Variants in SASH1 observed in about 807,000 individuals in gnomAD.
The protein encoded by SASH1 is SAM and SH3 domain containing 1.
A neutral mutation model predicts 125.2 loss-of-function variants in SASH1; 44 were observed. The observed-to-expected ratio is 0.35, with a 90% CI of 0.28 to 0.45. SASH1 has a LOEUF of 0.45. SASH1 is among the 20% of genes least tolerant of loss of function. The pLI is 1.00. For synonymous variants in SASH1, 639 were observed against 649.1 expected, an observed-to-expected ratio of 0.98 and a Z score of 0.24; for missense variants, 1,426 against 1,614.5, an observed-to-expected ratio of 0.88 and a Z score of 2.00.
At position 148,548,365 on chromosome 6, in the gene SASH1, A is replaced by T. The variant is rs1782684583; in HGVS notation, c.3551A>T (p.Asp1184Val). 6.2e-7 allele frequency: 1 copy of T among 1,614,216 alleles called. No individual in the cohort carries two copies. Residue 1184 changes from aspartate to valine, a missense_variant, in exon 20 of 20, where the codon GAT becomes GTT. Physicochemically the swap from Asp to Val is radical, Grantham distance 152. Coordinates refer to ENST00000367467, the MANE Select transcript of SASH1 (RefSeq NM_015278.5). ...VSPGCISSVS[D>V]WLISIGLPMY... is the part of the protein sequence containing the mutation. ...CCTGGGTGCATTTCGTCTGTGTCAG[A>T]TTGGCTCATTTCCATCGGTCTGCCC...
At position 148,519,627 on chromosome 6, in the gene SASH1, C is replaced by A. The variant is rs9390578; in HGVS notation, c.943C>A (p.Leu315Ile). ...CTACTCTGGCGTGCACAAGAAGCCC[C>A]TTTTCTTTGATGGCTCTCCTGAGAA... Reference protein sequence around the residue: ...ALYSGVHKKPLFFDGSPEKPP... With the variant: ...ALYSGVHKKPIFFDGSPEKPP... The change falls in exon 10 of 20, where the codon CTT becomes ATT. Residue 315 changes from leucine to isoleucine, a missense_variant. Physicochemically the swap from Leu to Ile is conservative, Grantham distance 5. Coordinates refer to ENST00000367467, the MANE Select transcript of SASH1 (RefSeq NM_015278.5). The surrounding 1 kb of genome is among the most constrained non-coding windows in gnomAD (Gnocchi z 4.8). 1 of 1,614,134 alleles carries A rather than the reference C, an allele frequency of 6.2e-7. No homozygotes were observed. The highest frequency in any genetic ancestry group is 8.5e-7 in the Non-Finnish European group (1 of 1,180,030).
In SASH1 at chr6:148,280,979, T is replaced by C. The variant is rs1004093641; in HGVS notation, n.74+8602T>C. Reference sequence around the variant, plus strand: ...TTTGTTTTGAGACAGAGTCTTGCTCTGTCACCCAGGCTGGAATGCAGTGTC... The same window carrying C: ...TTTGTTTTGAGACAGAGTCTTGCTCCGTCACCCAGGCTGGAATGCAGTGTC... On this transcript the variant is annotated intron_variant and non_coding_transcript_variant, in intron 1 of 3. Transcript: ENST00000367469. Among the ~76,000 whole-genome samples, 11 of 152,140 alleles carry C rather than the reference T, an allele frequency of 7.2e-5. No homozygotes were observed. The East Asian group carries it at 1.9e-3, about 27-fold the overall frequency.
At chr6:148,542,407 G>T (rs28399142) in intron 17 of SASH1, among the ~76,000 whole-genome samples, 1 of 151,762 alleles carries the variant, frequency 6.6e-6, no homozygotes, top group Non-Finnish European at 1.5e-5. Flanking sequence ...CTTTTTATGA[G>T]GCGGAGTCTC....
At chr6:148,264,653 A>C in the SASH1 span, among the ~76,000 whole-genome samples, 2 of 152,142 alleles carry the variant, frequency 1.3e-5, no homozygotes, top group Non-Finnish European at 2.9e-5. Flanking sequence ...TCTCAGCTAC[A>C]TCAACCTTTT....
intron 1 of SASH1, among the ~76,000 whole-genome samples, chr6:148,334,866 C>G (rs1181223958): frequency 7.5e-6 from 1 of 133,352 alleles, no homozygotes; most frequent in Non-Finnish European, 1.6e-5. Context: ...TCCAGCTACT[C>G]GGGAGGCTGA....
chr6:148,198,146 G>T, the SASH1 span, among the ~76,000 whole-genome samples: 1 of 152,154 alleles, frequency 6.6e-6, no homozygotes, highest in Admixed American at 6.5e-5. Context: ...TGCCGTGCCT[G>T]TCTGATGGTT....
At chr6:148,486,193 T>A (rs1778833936) in intron 7 of SASH1, among the ~76,000 whole-genome samples, 1 of 152,216 alleles carries the variant, frequency 6.6e-6, no homozygotes, top group Non-Finnish European at 1.5e-5. Context: ...CGATCTCGGC[T>A]CACCGCAACC....
the SASH1 span, among the ~76,000 whole-genome samples, chr6:148,223,834 C>G: frequency 6.6e-6 from 1 of 152,062 alleles, no homozygotes; most frequent in Non-Finnish European, 1.5e-5. Context: ...TTTGGTAGAC[C>G]CACAAAACAT....
At chr6:148,468,403 A>T (rs545759488) in intron 4 of SASH1, 142 bp from the exon 5 acceptor site, 7 of 623,110 alleles carry the variant, frequency 1.1e-5, no homozygotes, top group Non-Finnish European at 2.0e-5. Flanking sequence ...GATGGGTAGA[A>T]AAAGCCAGTG....
chr6:148,531,535 C>T lies in SASH1; in HGVS notation c.1438C>T (p.Leu480Phe). The part of the protein sequence containing the change: ...SSSVSEQDSG[L>F]DGMPGSPPPS... ...TTGAAACCCATGGCAGGACTCGGGC[C>T]TTGATGGAATGCCTGGCTCCCCTCC... The change falls in exon 13 of 20, where the codon CTT becomes TTT. Residue 480 changes from leucine to phenylalanine, a missense_variant. Around this residue, in one of 3 missense-constraint regions of SASH1, gnomAD observed 225 missense variants for 344.5 expected, o/e 0.65. Transcript: ENST00000367467. 6.5e-7 allele frequency: 1 copy of T among 1,543,294 alleles called. No individual in the cohort carries two copies. The highest frequency in any genetic ancestry group is 1.7e-4 in the Middle Eastern group (1 of 5,782).
At chr6:148,278,121 C>T (rs949587158) in intron 1 of SASH1, among the ~76,000 whole-genome samples, 1 of 150,188 alleles carries the variant, frequency 6.7e-6, no homozygotes, top group Admixed American at 6.6e-5. Flanking sequence ...CTCACTGCAA[C>T]CTCTGCCTCC....
chr6:148,518,820 A>G (rs1262714567), intron 9 of SASH1, among the ~76,000 whole-genome samples: 2 of 152,094 alleles, frequency 1.3e-5, no homozygotes, highest in Non-Finnish European at 2.9e-5. Flanking sequence ...GGCTCCAGTG[A>G]GGGCTTCAAG....
intron 4 of SASH1, among the ~76,000 whole-genome samples, chr6:148,463,879 C>T (rs1042825486): frequency 1.3e-5 from 2 of 152,174 alleles, no homozygotes; most frequent in Admixed American, 6.5e-5. Flanking sequence ...TGTCCCATCA[C>T]CTCAACTTCT....
intron 8 of SASH1, among the ~76,000 whole-genome samples, chr6:148,502,641 AG>A (rs1331743228): frequency 6.6e-6 from 1 of 151,562 alleles, no homozygotes; most frequent in African/African-American, 2.4e-5. Context: ...CTTGGGGAAG[AG>A]GAGGGCCGGG....
chr6:148,490,013 TAAAA>T (rs57304766), intron 8 of SASH1, among the ~76,000 whole-genome samples: 9 of 124,954 alleles, frequency 7.2e-5, no homozygotes, highest in African/African-American at 1.8e-4. Context: ...ATCCTGTCTT[TAAAA>T]AAAAAAAAAA....
At chr6:148,318,594 C>T (rs4895749) in intron 1 of SASH1, among the ~76,000 whole-genome samples, 4 of 150,288 alleles carry the variant, frequency 2.7e-5, no homozygotes, top group African/African-American at 7.4e-5. Context: ...TTTCTGTCGC[C>T]GAGGCTGGAG....
chr6:148,466,649 A>ACTCCTGGGCTCAAGTAGTC (rs1409376502), intron 4 of SASH1, among the ~76,000 whole-genome samples: 1 of 152,046 alleles, frequency 6.6e-6, no homozygotes, highest in Non-Finnish European at 1.5e-5. Context: ...ACAACCTCGG[A>ACTCCTGGGCTCAAGTAGTC]CTCCTGGGCT....
intron 1 of SASH1, among the ~76,000 whole-genome samples, chr6:148,375,403 T>C (rs1782853860): frequency 6.6e-6 from 1 of 151,252 alleles, no homozygotes; most frequent in Non-Finnish European, 1.5e-5. Flanking sequence ...TTTTTTGTGG[T>C]GACAAGAACA....
At chr6:148,262,063 C>G in the SASH1 span, among the ~76,000 whole-genome samples, 3 of 152,032 alleles carry the variant, frequency 2.0e-5, no homozygotes, top group African/African-American at 7.2e-5. Context: ...CATGAAAACA[C>G]TGCACTCTTC....
Sources: allele counts gnomAD v4.1 joint callset (sites outside exome capture counted in the v4.1 genomes callset), GRCh38; gene constraint gnomAD v4.1.1; regional missense constraint gnomAD v4.1.1; non-coding constraint Gnocchi (gnomAD v3.1); transcripts MANE v1.5; gene names NCBI Gene and HGNC (gene_info 2026-07-23, HGNC 2026-07-21).